Variants in CUL5 observed in about 807,000 individuals in gnomAD.
CUL5 encodes cullin-5.
Under a neutral mutation model 108.8 loss-of-function variants are expected in CUL5, and 26 were observed. The observed-to-expected ratio is 0.24, with a 90% CI of 0.18 to 0.33. The LOEUF is 0.33. Ranked by LOEUF, CUL5 falls within the 10% of genes least tolerant of loss-of-function variation. CUL5 has a pLI of 1.00. For missense variants in CUL5, 524 were observed against 909.2 expected (o/e 0.58, Z 5.45); for synonymous variants, 334 against 298.0 (o/e 1.12, Z -1.25).
At chr11:108,100,192 G>A (rs1423922005) in intron 18 of CUL5, among the ~76,000 whole-genome samples, 1 of 152,052 alleles carries the variant, frequency 6.6e-6, no homozygotes, top group East Asian at 1.9e-4. Context: ...TGCCAAATAC[G>A]AAAATATTTT....
intron 15 of CUL5, 29 bp from the exon 16 acceptor site, chr11:108,095,501 T>G: frequency 7.1e-7 from 1 of 1,407,772 alleles, no homozygotes; most frequent in Non-Finnish European, 9.8e-7. Context: ...ATGAGATTCT[T>G]TATTAAAAAT....
Position 108,094,827 on chromosome 11 carries a change from T to C in CUL5, c.1583T>C (p.Ile528Thr). 2 of 1,599,658 alleles carry C rather than the reference T, an allele frequency of 1.3e-6. No homozygotes were observed. Among genetic ancestry groups the C allele is most frequent in the Non-Finnish European group, 1.7e-6 (2 of 1,174,958 alleles). Residue 528 changes from isoleucine (I) to threonine (T), a missense_variant, in exon 15 of 19, where the codon ATA (isoleucine) becomes ACA (threonine). Ile to Thr is a moderately conservative substitution (Grantham distance 89). This residue lies in a region of CUL5 where 64 missense variants were observed against 152.0 expected (regional missense o/e 0.42). Coordinates refer to ENST00000393094, the MANE Select transcript of CUL5 (RefSeq NM_003478.6). ...TTCTCTATAGCTGATTCAGTTAATATAAAAATTCTGAATGCTGGCGCCTGG... is the reference window on the plus strand; with the variant it reads ...TTCTCTATAGCTGATTCAGTTAATACAAAAATTCTGAATGCTGGCGCCTGG... ...KLALPADSVN[I>T]KILNAGAWSR...
At chr11:108,077,150 A>G (rs557682935) in intron 10 of CUL5, among the ~76,000 whole-genome samples, 1 of 152,346 alleles carries the variant, frequency 6.6e-6, no homozygotes, top group East Asian at 1.9e-4. Context: ...GGGCATTCTG[A>G]TATTTCATTG....
chr11:108,064,874 A>T (rs1057455983), intron 7 of CUL5, among the ~76,000 whole-genome samples: 1 of 152,060 alleles, frequency 6.6e-6, no homozygotes, highest in Non-Finnish European at 1.5e-5. Context: ...ATGAGTTTGG[A>T]AGTATTCCCT....
intron 11 of CUL5, among the ~76,000 whole-genome samples, chr11:108,081,080 A>C (rs887555177): frequency 6.6e-6 from 1 of 152,004 alleles, no homozygotes; most frequent in Non-Finnish European, 1.5e-5. Flanking sequence ...TGAGGTCAGG[A>C]GTTCAAGACC....
intron 7 of CUL5, among the ~76,000 whole-genome samples, chr11:108,061,611 C>T (rs185427518): frequency 2.0e-5 from 3 of 152,140 alleles, no homozygotes; most frequent in Admixed American, 2.0e-4. Context: ...GTTTGTTTTC[C>T]TTTCTTTTCC....
intron 18 of CUL5, among the ~76,000 whole-genome samples, chr11:108,102,121 A>C (rs1362185101): frequency 6.6e-6 from 1 of 152,112 alleles, no homozygotes; most frequent in African/African-American, 2.4e-5. Context: ...TCCCAGGTTC[A>C]AATGATTCTC....
At position 108,047,424 on chromosome 11, in the gene CUL5, A is replaced by G. The variant is rs1591296452; in HGVS notation, c.234+1055A>G. ...CATTAATGTCTTGTACAACATTAGT[A>G]AAAGTTGTTTGTTAAATCGTGTTAT... On this transcript the variant is annotated intron_variant, in intron 3 of 18. Transcript: ENST00000393094. Among the ~76,000 whole-genome samples the G allele has an allele frequency of 2.6e-5, 4 of 152,326 alleles. No homozygotes were observed. The South Asian group carries it at 8.3e-4, about 32-fold the overall frequency.
intron 11 of CUL5, chr11:108,084,876 G>A (rs900578334): frequency 2.0e-5 from 3 of 152,248 alleles, no homozygotes; most frequent in Non-Finnish European, 2.9e-5. Flanking sequence ...CAGCTGCTGT[G>A]AAAACAGTTT....
chr11:108,084,502 G>A (rs995482192), intron 11 of CUL5, among the ~76,000 whole-genome samples: 2 of 152,176 alleles, frequency 1.3e-5, no homozygotes, highest in African/African-American at 2.4e-5. Context: ...CGATTCAGTG[G>A]CTAACCCTGG....
rs1591264930 is a variant in CUL5 at position 108,009,071 on chromosome 11, C to G, written c.-278C>G. 3 of 525,138 alleles carry G rather than the reference C, an allele frequency of 5.7e-6. No individual in the cohort carries two copies. Among genetic ancestry groups the G allele is most frequent in the East Asian group, 6.4e-5 (2 of 31,286 alleles). The allele number at this position is 525,138 out of a possible 1,614,324, so 32.5% of individuals were successfully genotyped here. ...TCCTCTTCCAAGTCAGGTCGGCTCC[C>G]GTTACCTTCTCAGCATTCGCCGTTC... is the stretch of plus-strand genomic sequence containing the variant. On this transcript the variant is annotated 5_prime_UTR_variant, in exon 1 of 19. Transcript: ENST00000393094.
chr11:108,042,218 CT>C (rs11440201), intron 2 of CUL5, among the ~76,000 whole-genome samples: 4 of 124,072 alleles, frequency 3.2e-5, no homozygotes, highest in Non-Finnish European at 3.2e-5. Flanking sequence ...ATCCACAATT[CT>C]TTTTTTTTTT....
chr11:108,072,191 AC>A (rs1252467943), intron 8 of CUL5, 140 bp from the exon 9 acceptor site: 119 of 623,466 alleles, frequency 1.9e-4, no homozygotes, highest in African/African-American at 8.5e-4. Context: ...AAACAAAAAA[AC>A]AACAACAAAA....
At chr11:108,011,139 T>A (rs1008706283) in intron 1 of CUL5, among the ~76,000 whole-genome samples, 1 of 152,228 alleles carries the variant, frequency 6.6e-6, no homozygotes, top group Non-Finnish European at 1.5e-5. Context: ...TTTGACTTGT[T>A]GATTACCTGG....
At position 108,073,494 on chromosome 11, in the gene CUL5, TA is replaced by T; in HGVS notation, c.1112del (p.Lys371ArgfsTer19). 6.7e-7 allele frequency: 1 copy of T among 1,482,446 alleles called. No individual in the cohort carries two copies. 91.8% of individuals were successfully genotyped at this position (1,482,446 alleles called of 1,614,324 possible). A position where few individuals can be genotyped will look rare whatever the true frequency, so the allele number is the denominator to read the frequency against. ...DDPRFLTARD[K>X]AYKAVVNDAT... The stretch of plus-strand genomic sequence containing the variant: ...ATCCACGATTTCTTACTGCAAGAGA[TA>T]AGGTATATATTCCTATATATATAAA... On this transcript the variant is annotated frameshift_variant and splice_region_variant, in exon 10 of 19. Transcript: ENST00000393094. LOFTEE classifies it high-confidence loss of function.
At chr11:108,081,268 A>G (rs1293236168) in intron 11 of CUL5, among the ~76,000 whole-genome samples, 1 of 152,150 alleles carries the variant, frequency 6.6e-6, no homozygotes, top group Non-Finnish European at 1.5e-5. Context: ...AGCCTGGGTG[A>G]CAGAGTGAGA....
At chr11:108,012,914 A>ACTCTGC (rs938552319) in intron 1 of CUL5, among the ~76,000 whole-genome samples, 9 of 151,978 alleles carry the variant, frequency 5.9e-5, no homozygotes, top group Non-Finnish European at 1.0e-4. Context: ...ACAAACTTGT[A>ACTCTGC]CTCTGCCTCT....
chr11:108,048,573 C>T (rs1203734928), intron 3 of CUL5, among the ~76,000 whole-genome samples: 3 of 149,834 alleles, frequency 2.0e-5, no homozygotes, highest in South Asian at 2.1e-4. Context: ...ACTGTTACAT[C>T]GGTGGCATTC....
At position 108,009,307 on chromosome 11, in the gene CUL5, A is replaced by G. The variant is rs1861997796; in HGVS notation, c.-42A>G. On this transcript the variant is annotated 5_prime_UTR_variant, in exon 1 of 19. Coordinates refer to ENST00000393094, the MANE Select transcript of CUL5 (RefSeq NM_003478.6). ...CGGTCAAGGCCTGGCCGGGAGCGCC[A>G]CGAATTCTCGCGTCGTCTCGCGAGA... 2 of 1,612,144 alleles carry G rather than the reference A, an allele frequency of 1.2e-6. No homozygotes were observed. Among genetic ancestry groups the G allele is most frequent in the African/African-American group, 1.3e-5 (1 of 74,880 alleles).
Sources: gnomAD v4.1 joint callset for allele counts (sites outside exome capture counted in the v4.1 genomes callset) on GRCh38, gnomAD v4.1.1 for gene constraint, gnomAD v4.1.1 regional missense constraint, MANE v1.5 for transcripts, NCBI Gene and HGNC (gene_info 2026-07-23, HGNC 2026-07-21) for gene names.